Variants in IQGAP2 observed in about 807,000 individuals in gnomAD.
IQGAP2 encodes the protein IQ motif containing GTPase activating protein 2.
A neutral mutation model predicts 201.3 loss-of-function variants in IQGAP2; 173 were observed. The observed-to-expected ratio is 0.86, with a 90% CI of 0.76 to 0.98. IQGAP2 has a LOEUF of 0.98. Ranked by LOEUF, IQGAP2 falls within the 50% of genes least tolerant of loss-of-function variation. IQGAP2 has a pLI of 0.00. For missense variants in IQGAP2, 1,687 were observed against 1,864.8 expected (o/e 0.90, Z 1.76); for synonymous variants, 675 against 673.9 (o/e 1.00, Z -0.03).
intron 1 of IQGAP2, among the ~76,000 whole-genome samples, chr5:76,429,643 T>C (rs1303928713): frequency 1.4e-5 from 2 of 146,030 alleles, no homozygotes; most frequent in African/African-American, 5.0e-5. Flanking sequence ...TATACATATA[T>C]GTATATATAT....
At chr5:76,475,307 G>A (rs1755351744) in intron 2 of IQGAP2, among the ~76,000 whole-genome samples, 1 of 152,166 alleles carries the variant, frequency 6.6e-6, no homozygotes, top group Admixed American at 6.5e-5. Context: ...GTTCTTTGCA[G>A]AGCCAATAAG....
intron 13 of IQGAP2, among the ~76,000 whole-genome samples, chr5:76,614,772 G>C (rs1250120808): frequency 1.4e-5 from 2 of 141,106 alleles, no homozygotes; most frequent in African/African-American, 5.7e-5. Flanking sequence ...TTGATTCCTA[G>C]AAGTTTCCAG....
At position 76,665,121 on chromosome 5, in the gene IQGAP2, T is replaced by A. The variant is rs1292246829; in HGVS notation, c.2625T>A (p.Ser875Arg). The change falls in exon 22 of 36, where the codon AGT becomes AGA. Residue 875 changes from serine (S) to arginine (R), a missense_variant. Coordinates refer to ENST00000274364, the MANE Select transcript of IQGAP2 (RefSeq NM_006633.5). The stretch of plus-strand genomic sequence containing the variant: ...ACAACCAAGGAATAAAAAGTTTGAG[T>A]AAGGAGAGGAGAAAAACACTAGAAA... Reference protein sequence around the residue: ...NTDNQGIKSLSKERRKTLETY... With the variant: ...NTDNQGIKSLRKERRKTLETY... 1 of 1,612,680 alleles carries A rather than the reference T, an allele frequency of 6.2e-7. No individual in the cohort carries two copies. Among genetic ancestry groups the A allele is most frequent in the Non-Finnish European group, 8.5e-7 (1 of 1,178,950 alleles).
At chr5:76,479,468 G>A (rs1427218401) in intron 2 of IQGAP2, among the ~76,000 whole-genome samples, 1 of 152,166 alleles carries the variant, frequency 6.6e-6, no homozygotes, top group African/African-American at 2.4e-5. Flanking sequence ...GTGCTTGGCA[G>A]CAAGGTGTTG....
chr5:76,632,111 T>C, intron 15 of IQGAP2, 85 bp downstream of exon 15: 1 of 1,174,048 alleles, frequency 8.5e-7, no homozygotes, highest in South Asian at 1.9e-5. Context: ...TTAAGACAAG[T>C]AATGCTTTCA....
Position 76,707,233 on chromosome 5 carries a change from G to A in IQGAP2, c.4648G>A (p.Val1550Ile). The A allele has an allele frequency of 6.5e-7, 1 of 1,546,570 alleles. No homozygotes were observed. Among genetic ancestry groups the A allele is most frequent in the South Asian group, 1.1e-5 (1 of 89,730 alleles). The change falls in exon 36 of 36, where the codon GTA becomes ATA. Residue 1550 changes from valine to isoleucine, a missense_variant. By Grantham distance (29) the Val-to-Ile change is conservative. Transcript: ENST00000274364. ...LLQMQYEGVA[V>I]MKMFDKVKVN... ...TCAGATGCAATATGAAGGAGTAGCT[G>A]TAATGAAAATGTTTGATAAGGTTAA...
chr5:76,421,662 G>A (rs79857509), intron 1 of IQGAP2, among the ~76,000 whole-genome samples: 1,876 of 152,186 alleles, frequency 0.012, 43 homozygotes, highest in African/African-American at 0.041. Context: ...GTGACTTCAG[G>A]TGTGACCTCA....
At chr5:76,542,007 A>G (rs976112786) in intron 2 of IQGAP2, among the ~76,000 whole-genome samples, 2 of 152,216 alleles carry the variant, frequency 1.3e-5, no homozygotes, top group Non-Finnish European at 2.9e-5. Context: ...TGTTTGAGAC[A>G]GCGACTTGTT....
chr5:76,666,648 CCTT>C (rs1561569536), intron 22 of IQGAP2, among the ~76,000 whole-genome samples: 1 of 152,292 alleles, frequency 6.6e-6, no homozygotes, highest in African/African-American at 2.4e-5. Flanking sequence ...TTTTTCTTCT[CCTT>C]CTCTTCTTTT....
At chr5:76,650,896 T>A (rs1483870570) in intron 17 of IQGAP2, among the ~76,000 whole-genome samples, 3 of 152,330 alleles carry the variant, frequency 2.0e-5, no homozygotes, top group African/African-American at 7.2e-5. Flanking sequence ...TTACAAACAA[T>A]GCTGTGACAA....
At chr5:76,647,587 A>G (rs1304889474) in intron 17 of IQGAP2, among the ~76,000 whole-genome samples, 2 of 152,060 alleles carry the variant, frequency 1.3e-5, no homozygotes, top group Non-Finnish European at 2.9e-5. Flanking sequence ...GCCACCGTGT[A>G]AGAAGTGCCT....
intron 2 of IQGAP2, among the ~76,000 whole-genome samples, chr5:76,499,381 A>G (rs1439497654): frequency 6.6e-6 from 1 of 152,212 alleles, no homozygotes; most frequent in Non-Finnish European, 1.5e-5. Context: ...ATTCTTAAGC[A>G]ATATTAAAAG....
rs144995116 is a variant in IQGAP2, at chr5:76,615,398, CCA to C, written c.1521+4222_1521+4223del. The C allele has an allele frequency of 2.5e-3, 373 of 152,212 alleles. 3 individuals are homozygous for C. Among genetic ancestry groups the C allele is most frequent in the African/African-American group, 8.5e-3 (351 of 41,530 alleles). 9.4% of individuals were successfully genotyped at this position (152,212 alleles called of 1,614,324 possible). On this transcript the variant is annotated intron_variant, in intron 13 of 35. Coordinates refer to ENST00000274364, the MANE Select transcript of IQGAP2 (RefSeq NM_006633.5). ...TACCTGAGTTTTGCTCTTTGCATAA[CCA>C]CACACATATTATAAAGGGTCTTCAT...
At chr5:76,697,203 G>A (rs1258956001) in intron 32 of IQGAP2, among the ~76,000 whole-genome samples, 2 of 152,162 alleles carry the variant, frequency 1.3e-5, no homozygotes, top group African/African-American at 4.8e-5. Context: ...TTTTCACTCA[G>A]TCTTGACAGC....
chr5:76,507,286 G>A (rs949318596), intron 2 of IQGAP2, among the ~76,000 whole-genome samples: 5 of 152,072 alleles, frequency 3.3e-5, no homozygotes, highest in Non-Finnish European at 7.4e-5. Context: ...TTTTTTCAAC[G>A]AATGGTGCTG....
chr5:76,677,755 C>G (rs746817655), intron 28 of IQGAP2, among the ~76,000 whole-genome samples: 7 of 151,920 alleles, frequency 4.6e-5, no homozygotes, highest in Admixed American at 6.6e-5. Context: ...TAGTGAGACC[C>G]CTATCTCTAC....
At chr5:76,706,098 C>T (rs2150572512) in intron 35 of IQGAP2, among the ~76,000 whole-genome samples, 1 of 152,304 alleles carries the variant, frequency 6.6e-6, no homozygotes, top group East Asian at 1.9e-4. Context: ...GGTCTCCAAA[C>T]TTTGGTCACT....
At chr5:76,602,169 C>T (rs1243543648) in intron 11 of IQGAP2, among the ~76,000 whole-genome samples, 1 of 152,208 alleles carries the variant, frequency 6.6e-6, no homozygotes, top group Non-Finnish European at 1.5e-5. Context: ...TTAGACTTCT[C>T]ACTTTTGCTT....
At chr5:76,703,932 C>T (rs1032035859) in intron 35 of IQGAP2, among the ~76,000 whole-genome samples, 1 of 152,190 alleles carries the variant, frequency 6.6e-6, no homozygotes, top group African/African-American at 2.4e-5. Context: ...ACTGGAATTA[C>T]TTCCCCATCA....
Sources: gnomAD v4.1 joint callset for allele counts (sites outside exome capture counted in the v4.1 genomes callset) on GRCh38, gnomAD v4.1.1 for gene constraint, MANE v1.5 for transcripts, NCBI Gene and HGNC (gene_info 2026-07-23, HGNC 2026-07-21) for gene names.